DIP2B: variants seen among roughly 807,000 people sequenced by gnomAD.
The protein encoded by DIP2B is disco-interacting protein 2 homolog B.
DIP2B carries 76 observed loss-of-function variants against 198.0 expected under a neutral mutation model. That is an observed-to-expected ratio of 0.38 (90% CI 0.32 to 0.46). DIP2B has a LOEUF of 0.46. Ranked by LOEUF, DIP2B falls within the 20% of genes least tolerant of loss-of-function variation. The probability of loss-of-function intolerance (pLI) is 0.99; values close to 1 mark genes in which losing one functional copy is unlikely to be tolerated. For missense variants in DIP2B, 1,559 were observed against 1,978.4 expected, an observed-to-expected ratio of 0.79 and a Z score of 4.02; for synonymous variants, 701 against 739.1, an observed-to-expected ratio of 0.95 and a Z score of 0.84.
At chr12:50,526,978 G>C (rs147730032) in intron 1 of DIP2B, among the ~76,000 whole-genome samples, 14 of 152,220 alleles carry the variant, frequency 9.2e-5, no homozygotes, top group Non-Finnish European at 1.9e-4. Flanking sequence ...CGTAGGATCT[G>C]ATCTAAAGCA....
At chr12:50,609,132 CA>C (rs1198493844) in intron 1 of DIP2B, among the ~76,000 whole-genome samples, 1 of 150,098 alleles carries the variant, frequency 6.7e-6, no homozygotes, top group Non-Finnish European at 1.5e-5. Flanking sequence ...CACTCCGTCT[CA>C]AAAAAAATAA....
At position 50,626,036 on chromosome 12, in the gene DIP2B, C is replaced by G; in HGVS notation, c.161C>G (p.Pro54Arg). Residue 54 changes from proline to arginine, a missense_variant, in exon 2 of 38, where the codon CCG becomes CGG. Coordinates refer to ENST00000301180, the MANE Select transcript of DIP2B (RefSeq NM_173602.3). ...KRSKLLSPYS[P>R]QTQETDSAVQ... ...TCCAAACTCCTATCTCCTTACAGCC[C>G]GCAGACACAAGGTAGGCAATAAAAA... 16 of 1,613,884 alleles carry G rather than the reference C, an allele frequency of 9.9e-6. No homozygotes were observed. The highest frequency in any genetic ancestry group is 1.3e-5 in the Non-Finnish European group (15 of 1,179,892).
rs1238677947 is a variant in DIP2B, at chr12:50,683,793, GATAA to G, written c.1317+555_1317+558del. Among the ~76,000 whole-genome samples, 6 of 151,276 alleles carry G rather than the reference GATAA, an allele frequency of 4.0e-5. No individual in the cohort carries two copies. In the East Asian group the frequency reaches 1.2e-3, roughly 30 times the overall value. On this transcript the variant is annotated intron_variant, in intron 10 of 37. Transcript: ENST00000301180. The stretch of plus-strand genomic sequence containing the variant: ...GCAAGACTCCGTCTAAAAATAAATA[GATAA>G]ATAAATAAAAAATAAATAAATATCA...
At chr12:50,532,604 T>TA (rs1212480436) in intron 1 of DIP2B, among the ~76,000 whole-genome samples, 2 of 152,212 alleles carry the variant, frequency 1.3e-5, no homozygotes, top group African/African-American at 4.8e-5. Flanking sequence ...CACCAGCATT[T>TA]AAGCAGCTGT....
intron 1 of DIP2B, among the ~76,000 whole-genome samples, chr12:50,533,721 G>A (rs1271801113): frequency 2.0e-5 from 3 of 151,028 alleles, no homozygotes; most frequent in Non-Finnish European, 4.4e-5. Flanking sequence ...CAATCCTCCC[G>A]CCTCAGCCTC....
At chr12:50,741,674 T>A in intron 37 of DIP2B, 135 bp downstream of exon 37, 1 of 1,238,416 alleles carries the variant, frequency 8.1e-7, no homozygotes, top group Non-Finnish European at 1.1e-6. Flanking sequence ...GGAAATAGAC[T>A]GATTCTTGTC....
At chr12:50,738,807 G>C (rs1388720516) in intron 35 of DIP2B, among the ~76,000 whole-genome samples, 1 of 152,162 alleles carries the variant, frequency 6.6e-6, no homozygotes, top group Non-Finnish European at 1.5e-5. Flanking sequence ...AATGTTAGTA[G>C]TAGCACCTAC....
At chr12:50,515,993 T>C (rs1958059977) in intron 1 of DIP2B, among the ~76,000 whole-genome samples, 1 of 152,098 alleles carries the variant, frequency 6.6e-6, no homozygotes, top group African/African-American at 2.4e-5. Context: ...ATGATAGAAA[T>C]TTATTGCTCA....
intron 19 of DIP2B, among the ~76,000 whole-genome samples, chr12:50,699,564 G>T (rs1314817556): frequency 6.6e-6 from 1 of 152,120 alleles, no homozygotes; most frequent in Non-Finnish European, 1.5e-5. Flanking sequence ...GATGAGCTGG[G>T]CATGGTAGCT....
In DIP2B at chr12:50,678,698, C is replaced by G; in HGVS notation, c.936C>G (p.Asn312Lys). 2 of 1,614,102 alleles carry G rather than the reference C, an allele frequency of 1.2e-6. No homozygotes were observed. The highest frequency in any genetic ancestry group is 1.7e-6 in the Non-Finnish European group (2 of 1,179,998). Residue 312 changes from asparagine to lysine, a missense_variant, in exon 8 of 38, where the codon AAC becomes AAG. Transcript: ENST00000301180. ...EIVEVPQPDP[N>K]QPKPEGRQMT... The stretch of plus-strand genomic sequence containing the variant: ...GTACAGTACCTCAGCCAGACCCCAA[C>G]CAGCCCAAGCCGGAGGGACGGCAGA...
At chr12:50,731,914 CAT>C (rs1940049746) in intron 31 of DIP2B, among the ~76,000 whole-genome samples, 1 of 152,132 alleles carries the variant, frequency 6.6e-6, no homozygotes, top group South Asian at 2.1e-4. Context: ...CTCATTGATT[CAT>C]GTGTGTGTCA....
At chr12:50,549,529 C>A (rs1453134556) in intron 1 of DIP2B, among the ~76,000 whole-genome samples, 3 of 147,602 alleles carry the variant, frequency 2.0e-5, no homozygotes, top group African/African-American at 7.7e-5. Context: ...ACTCTTGTCT[C>A]AAAAAAAATA....
chr12:50,741,307 AG>A, intron 36 of DIP2B, 108 bp from the exon 37 acceptor site: 1 of 1,361,476 alleles, frequency 7.3e-7, no homozygotes, highest in Non-Finnish European at 9.8e-7. Context: ...CACAGTTGGT[AG>A]GGGCAGAGCC....
intron 1 of DIP2B, among the ~76,000 whole-genome samples, chr12:50,551,924 C>T (rs1958430438): frequency 6.6e-6 from 1 of 152,078 alleles, no homozygotes; most frequent in Admixed American, 6.6e-5. Context: ...TGGATGTATA[C>T]CCAGAAGTAG....
In DIP2B at chr12:50,731,456, C is replaced by T. The variant is rs144550687; in HGVS notation, c.3729C>T (p.Tyr1243=). Residue 1243 remains tyrosine (Y), a synonymous_variant, in exon 31 of 38, where the codon TAC becomes TAT. Coordinates refer to ENST00000301180, the MANE Select transcript of DIP2B (RefSeq NM_173602.3). ...LFLWLSTVNQ[Y]KIRDTFCSYS... ...TCTGGCTCTCCACAGTCAACCAGTA[C>T]AAAATAAGGGACACTTTCTGCTCCT... 3 of 1,613,992 alleles carry T rather than the reference C, an allele frequency of 1.9e-6. No homozygotes were observed. The African/African-American group carries it at 4.0e-5, about 22-fold the overall frequency.
intron 2 of DIP2B, among the ~76,000 whole-genome samples, chr12:50,638,794 T>C (rs1366837617): frequency 2.0e-5 from 3 of 152,120 alleles, no homozygotes; most frequent in African/African-American, 7.2e-5. Context: ...TTCCCACCTC[T>C]TTTTGATGAG....
In DIP2B at chr12:50,708,643, G is replaced by A. The variant is rs990231459; in HGVS notation, c.2649+81G>A. On this transcript the variant is annotated intron_variant, in intron 22 of 37. Transcript: ENST00000301180. Reference sequence around the variant, plus strand: ...GCATTTCATTTTCTTCGATCAGCCAGTAATGCCACCTTACTTCTTGCCAAT... The same window carrying A: ...GCATTTCATTTTCTTCGATCAGCCAATAATGCCACCTTACTTCTTGCCAAT... 6.3e-6 allele frequency: 7 copies of A among 1,117,870 alleles called. No individual in the cohort carries two copies. The East Asian group carries it at 1.0e-4, about 17-fold the overall frequency. 69.2% of individuals were successfully genotyped at this position (1,117,870 alleles called of 1,614,324 possible).
intron 17 of DIP2B, among the ~76,000 whole-genome samples, chr12:50,697,484 C>T (rs1359494004): frequency 6.9e-6 from 1 of 144,626 alleles, no homozygotes; most frequent in Admixed American, 7.0e-5. Context: ...TATTCAAGAC[C>T]ATTATGTATG....
intron 2 of DIP2B, among the ~76,000 whole-genome samples, chr12:50,627,101 G>T (rs969103592): frequency 4.6e-5 from 7 of 152,200 alleles, no homozygotes; most frequent in African/African-American, 1.7e-4. Context: ...CTAGTGAAAA[G>T]CCAGCTTTTG....
Sources: allele counts gnomAD v4.1 joint callset (sites outside exome capture counted in the v4.1 genomes callset), GRCh38; gene constraint gnomAD v4.1.1; transcripts MANE v1.5; gene names NCBI Gene and HGNC (gene_info 2026-07-23, HGNC 2026-07-21).